The following MUSK variants were observed in gnomAD, a reference collection of about 807,000 sequenced individuals.
MUSK encodes muscle associated receptor tyrosine kinase, also known as muscle, skeletal receptor tyrosine-protein kinase.
Under a neutral mutation model 88.7 loss-of-function variants are expected in MUSK, and 55 were observed. The observed-to-expected ratio is 0.62, with a 90% CI of 0.50 to 0.78. The LOEUF is 0.78. MUSK is among the 30% of genes least tolerant of loss of function. The pLI, the probability that MUSK is intolerant of heterozygous loss-of-function variation, is 0.00. For synonymous variants in MUSK, 387 were observed against 391.9 expected, an observed-to-expected ratio of 0.99 and a Z score of 0.15; for missense variants, 1,015 against 1,074.3, an observed-to-expected ratio of 0.94 and a Z score of 0.77.
intron 6 of MUSK, among the ~76,000 whole-genome samples, chr9:110,737,689 A>G (rs891100656): frequency 6.6e-6 from 1 of 152,116 alleles, no homozygotes; most frequent in Non-Finnish European, 1.5e-5. Flanking sequence ...CTTATACTCC[A>G]AGACATTTTC....
chr9:110,713,037 G>A (rs1247368130), intron 5 of MUSK, among the ~76,000 whole-genome samples: 1 of 152,104 alleles, frequency 6.6e-6, no homozygotes, highest in Non-Finnish European at 1.5e-5. Flanking sequence ...AGCTCTTGGT[G>A]AGGATCATAT....
rs907475279 is a variant in MUSK, at chr9:110,800,618, C to G, written c.2240C>G (p.Ser747Cys). The G allele has an allele frequency of 6.2e-7, 1 of 1,613,724 alleles. No homozygotes were observed. The highest frequency in any genetic ancestry group is 8.5e-7 in the Non-Finnish European group (1 of 1,179,886). Residue 747 changes from serine to cysteine, a missense_variant, in exon 15 of 15, where the codon TCC becomes TGC. Ser to Cys is a moderately radical substitution (Grantham distance 112). Coordinates refer to ENST00000374448, the MANE Select transcript of MUSK (RefSeq NM_005592.4). ...GTGAAAATTGCCGACTTTGGCCTCT[C>G]CAGGAACATCTACTCAGCAGACTAC... ...MVVKIADFGLSRNIYSADYYK... is the reference protein window; with the variant it reads ...MVVKIADFGLCRNIYSADYYK...
intron 5 of MUSK, among the ~76,000 whole-genome samples, chr9:110,725,996 C>T (rs2076878828): frequency 6.6e-6 from 1 of 151,794 alleles, no homozygotes; most frequent in South Asian, 2.1e-4. Context: ...AGTCATACAG[C>T]GAATAACTAT....
At chr9:110,784,748 G>A (rs895125702) in intron 11 of MUSK, 67 bp from the exon 12 acceptor site, 12 of 1,232,438 alleles carry the variant, frequency 9.7e-6, no homozygotes, top group Admixed American at 2.2e-5. Context: ...TTTACTGATT[G>A]CTTAAATACA....
In MUSK at chr9:110,747,808, G is replaced by A. The variant is rs1441469936; in HGVS notation, c.913+8G>A. On this transcript the variant is annotated splice_region_variant and intron_variant, in intron 7 of 14. Coordinates refer to ENST00000374448, the MANE Select transcript of MUSK (RefSeq NM_005592.4). Reference sequence around the variant, plus strand: ...CCACCATCAGCATAGCAGGTAGGATGCCCCTTCACATTTGCGTTGTTCCAG... The same window carrying A: ...CCACCATCAGCATAGCAGGTAGGATACCCCTTCACATTTGCGTTGTTCCAG... The A allele has an allele frequency of 1.2e-6, 2 of 1,613,342 alleles. No homozygotes were observed. The highest frequency in any genetic ancestry group is 1.7e-5 in the Admixed American group (1 of 59,970).
Position 110,716,678 on chromosome 9 carries a change from G to A in MUSK, c.629-17573G>A, listed in dbSNP as rs569915419. Among the ~76,000 whole-genome samples, 10 of 149,726 alleles carry A rather than the reference G, an allele frequency of 6.7e-5. 2 individuals are homozygous for A. The highest frequency in any genetic ancestry group is 2.5e-4 in the African/African-American group (10 of 39,462). ...TTAAAATTGGCCTTCTCCTTCACAG[G>A]GGACATTCACGATAAACTCTCAATA... On this transcript the variant is annotated intron_variant, in intron 5 of 14. Transcript: ENST00000374448.
chr9:110,671,570 C>A (rs559247332), intron 1 of MUSK, among the ~76,000 whole-genome samples: 1 of 152,166 alleles, frequency 6.6e-6, no homozygotes, highest in Admixed American at 6.5e-5. Context: ...TCATAGTTTT[C>A]ATTTTAGTTT....
In MUSK at chr9:110,800,665, G is replaced by T; in HGVS notation, c.2287G>T (p.Ala763Ser). 6.2e-7 allele frequency: 1 copy of T among 1,613,906 alleles called. No homozygotes were observed. ...CTACTACAAAGCTAATGAAAACGAC[G>T]CTATCCCTATCCGTTGGATGCCACC... The part of the protein sequence containing the change: ...ADYYKANEND[A>S]IPIRWMPPES... The change falls in exon 15 of 15, where the codon GCT becomes TCT. Residue 763 changes from alanine to serine, a missense_variant. By Grantham distance (99) the Ala-to-Ser change is moderately conservative. Transcript: ENST00000374448.
chr9:110,739,286 T>G (rs1243812094), intron 6 of MUSK, among the ~76,000 whole-genome samples: 2 of 152,160 alleles, frequency 1.3e-5, no homozygotes, highest in Non-Finnish European at 2.9e-5. Context: ...GGCATCAGTT[T>G]TCCTCTTCTA....
chr9:110,766,177 G>C (rs977139178), intron 8 of MUSK, among the ~76,000 whole-genome samples: 8 of 152,154 alleles, frequency 5.3e-5, no homozygotes, highest in Non-Finnish European at 1.2e-4. Context: ...TCTGGTGTCT[G>C]ATCTGACTTG....
chr9:110,734,932 G>A (rs1225599874), intron 6 of MUSK, among the ~76,000 whole-genome samples: 2 of 152,042 alleles, frequency 1.3e-5, no homozygotes, highest in Non-Finnish European at 2.9e-5. Context: ...GTGGATACAG[G>A]AGTAAACAAA....
chr9:110,755,651 C>T lies in MUSK; in HGVS notation c.914-6551C>T, dbSNP rs2077300897. Among the ~76,000 whole-genome samples, 3 of 152,024 alleles carry T rather than the reference C, an allele frequency of 2.0e-5. No individual in the cohort carries two copies. In the South Asian group the frequency reaches 6.2e-4, roughly 32 times the overall value. On this transcript the variant is annotated intron_variant, in intron 7 of 14. Transcript: ENST00000374448. ...CATAATTTAAACCTCATCTGCTTCA[C>T]TCTCTCCACTGCCAGCCAATCTTCC...
At chr9:110,761,195 A>G (rs907829979) in intron 7 of MUSK, among the ~76,000 whole-genome samples, 2 of 152,172 alleles carry the variant, frequency 1.3e-5, no homozygotes, top group Admixed American at 6.5e-5. Flanking sequence ...GCAGAGTCTG[A>G]GTTGGGGCTG....
intron 5 of MUSK, among the ~76,000 whole-genome samples, chr9:110,703,885 C>T (rs1481217147): frequency 2.6e-5 from 4 of 152,084 alleles, no homozygotes; most frequent in Non-Finnish European, 4.4e-5. Flanking sequence ...TGAAGCATAC[C>T]AAGTCCCAAT....
chr9:110,756,547 A>G (rs902633517), intron 7 of MUSK, among the ~76,000 whole-genome samples: 1 of 152,010 alleles, frequency 6.6e-6, no homozygotes, highest in Non-Finnish European at 1.5e-5. Flanking sequence ...TATTAAAAAA[A>G]AAAAAAGACA....
At chr9:110,788,973 G>A (rs995578713) in intron 14 of MUSK, among the ~76,000 whole-genome samples, 1 of 152,190 alleles carries the variant, frequency 6.6e-6, no homozygotes. Context: ...AATGTGGCTG[G>A]AGCAGAGTGA....
intron 5 of MUSK, among the ~76,000 whole-genome samples, chr9:110,702,750 A>T (rs1490741539): frequency 6.6e-6 from 1 of 152,038 alleles, no homozygotes; most frequent in Non-Finnish European, 1.5e-5. Context: ...AAAATTAGCC[A>T]GGTGTGGTGG....
At chr9:110,764,295 G>T (rs1344901731) in intron 8 of MUSK, among the ~76,000 whole-genome samples, 1 of 152,084 alleles carries the variant, frequency 6.6e-6, no homozygotes, top group Non-Finnish European at 1.5e-5. Context: ...GACATGGAGG[G>T]GTCTTGTCAC....
At chr9:110,781,485 C>T (rs557672393) in intron 11 of MUSK, among the ~76,000 whole-genome samples, 3 of 152,116 alleles carry the variant, frequency 2.0e-5, no homozygotes, top group Non-Finnish European at 1.5e-5. Flanking sequence ...ACCGTGTTAG[C>T]CAGGATGGTC....
Sources: allele counts gnomAD v4.1 joint callset (sites outside exome capture counted in the v4.1 genomes callset), GRCh38; gene constraint gnomAD v4.1.1; transcripts MANE v1.5; gene names NCBI Gene and HGNC (gene_info 2026-07-23, HGNC 2026-07-21).